AGK: variants seen among roughly 807,000 people sequenced by gnomAD.
AGK encodes the protein acylglycerol kinase, mitochondrial.
Under a neutral mutation model 66.4 loss-of-function variants are expected in AGK, and 52 were observed. The ratio of observed to expected loss-of-function variants is 0.78; its 90% confidence interval spans 0.63 to 0.99. AGK has a LOEUF of 0.99. AGK is among the 50% of genes least tolerant of loss of function. The pLI is 0.00. For synonymous variants in AGK, 182 were observed against 181.1 expected (o/e 1.00, Z -0.04); for missense variants, 451 against 506.6 (o/e 0.89, Z 1.05).
chr7:141,651,494 G>A (rs1347976973), intron 14 of AGK, 31 bp from the exon 15 acceptor site: 3 of 1,607,612 alleles, frequency 1.9e-6, no homozygotes, highest in Non-Finnish European at 8.5e-7. Context: ...GCCATCACTG[G>A]TCTTAAGCTT....
At chr7:141,567,237 T>C (rs1795491753) in intron 2 of AGK, among the ~76,000 whole-genome samples, 1 of 152,204 alleles carries the variant, frequency 6.6e-6, no homozygotes, top group African/African-American at 2.4e-5. Flanking sequence ...AGTCATCATA[T>C]TTTTGTAGCC....
chr7:141,650,747 C>T, intron 14 of AGK: 6 of 902,868 alleles, frequency 6.6e-6, no homozygotes, highest in Non-Finnish European at 8.0e-6. Flanking sequence ...GTTATAAATA[C>T]AGTCATCCCA....
At chr7:141,559,785 C>T (rs1362932899) in intron 2 of AGK, among the ~76,000 whole-genome samples, 2 of 152,042 alleles carry the variant, frequency 1.3e-5, no homozygotes, top group Non-Finnish European at 2.9e-5. Context: ...TTGTTTTTAG[C>T]GTATAAGTCT....
At chr7:141,594,568 C>G (rs1445982037) in intron 3 of AGK, among the ~76,000 whole-genome samples, 1 of 152,112 alleles carries the variant, frequency 6.6e-6, no homozygotes, top group Non-Finnish European at 1.5e-5. Flanking sequence ...GTAAATGCCT[C>G]CACCTCTGTT....
chr7:141,630,303 G>A (rs952753122), intron 9 of AGK, among the ~76,000 whole-genome samples: 5 of 152,026 alleles, frequency 3.3e-5, no homozygotes, highest in African/African-American at 1.2e-4. Context: ...TGGCCAAATA[G>A]TGCAAAGTTG....
At chr7:141,640,619 A>G (rs944287821) in intron 11 of AGK, among the ~76,000 whole-genome samples, 1 of 152,188 alleles carries the variant, frequency 6.6e-6, no homozygotes, top group African/African-American at 2.4e-5. Context: ...GGATGTGGCC[A>G]TGGAAATGGG....
Position 141,641,370 on chromosome 7 carries a change from T to G in AGK, c.849T>G (p.Leu283=), listed in dbSNP as rs1487151515. The G allele has an allele frequency of 6.2e-7, 1 of 1,612,708 alleles. No homozygotes were observed. Among genetic ancestry groups the G allele is most frequent in the Non-Finnish European group, 8.5e-7 (1 of 1,179,594 alleles). ...TGTACAGGAGAATATTACGAAGGCT[T>G]GCGTCCTACTGGGCACAACCACAGG... The part of the protein sequence containing the change: ...PSLYRRILRR[L]ASYWAQPQDA... The change falls in exon 12 of 16, where the codon CTT becomes CTG. Residue 283 remains leucine (L), a synonymous_variant. Coordinates refer to ENST00000649286, the MANE Select transcript of AGK (RefSeq NM_018238.4).
At chr7:141,595,745 A>G (rs1796213018) in intron 3 of AGK, among the ~76,000 whole-genome samples, 1 of 152,154 alleles carries the variant, frequency 6.6e-6, no homozygotes, top group Non-Finnish European at 1.5e-5. Flanking sequence ...TAATAGCAAG[A>G]GTTCCCATTC....
chr7:141,592,583 A>G (rs887933443), intron 2 of AGK, among the ~76,000 whole-genome samples: 1 of 152,156 alleles, frequency 6.6e-6, no homozygotes, highest in African/African-American at 2.4e-5. Flanking sequence ...GGATGTGGAA[A>G]TTTTGGGGGG....
intron 15 of AGK, 149 bp from the exon 16 acceptor site, chr7:141,652,638 A>T: frequency 4.0e-6 from 3 of 753,374 alleles, no homozygotes; most frequent in Non-Finnish European, 6.4e-6. Context: ...GTAGGCACTG[A>T]ATTTTTTTTT....
intron 8 of AGK, chr7:141,615,869 T>C (rs961308344): frequency 1.5e-5 from 4 of 275,454 alleles, no homozygotes; most frequent in Non-Finnish European, 2.7e-5. Flanking sequence ...GATTCTTTAG[T>C]GAAGACATAT....
chr7:141,569,204 G>A (rs1795538411), intron 2 of AGK, among the ~76,000 whole-genome samples: 2 of 152,140 alleles, frequency 1.3e-5, no homozygotes, highest in Admixed American at 6.5e-5. Context: ...TGAGGGGTGT[G>A]TTCAGTGTCA....
At chr7:141,618,526 GTAAA>G (rs1796756316) in intron 8 of AGK, among the ~76,000 whole-genome samples, 1 of 152,126 alleles carries the variant, frequency 6.6e-6, no homozygotes, top group Admixed American at 6.5e-5. Flanking sequence ...GGGACAAACA[GTAAA>G]TAAATAGGTT....
chr7:141,641,184 G>C, intron 11 of AGK, 64 bp from the exon 12 acceptor site: 1 of 1,500,126 alleles, frequency 6.7e-7, no homozygotes, highest in Non-Finnish European at 9.0e-7. Flanking sequence ...AACTTTTGCA[G>C]AGAGAAACTC....
chr7:141,584,817 A>ATT (rs917485492), intron 2 of AGK, among the ~76,000 whole-genome samples: 26 of 152,120 alleles, frequency 1.7e-4, no homozygotes, highest in Admixed American at 1.3e-4. Flanking sequence ...TGTGGCCCTT[A>ATT]TTTTCACTCA....
intron 2 of AGK, among the ~76,000 whole-genome samples, chr7:141,574,377 G>C (rs1014075351): frequency 2.0e-5 from 3 of 152,160 alleles, no homozygotes; most frequent in Non-Finnish European, 4.4e-5. Flanking sequence ...TTTTTCCCCA[G>C]TGCCCACAGA....
chr7:141,622,402 C>T (rs1462993072), intron 9 of AGK, among the ~76,000 whole-genome samples: 1 of 152,170 alleles, frequency 6.6e-6, no homozygotes, highest in Non-Finnish European at 1.5e-5. Flanking sequence ...GGCAACCCTG[C>T]CCCAAGCAAG....
intron 13 of AGK, among the ~76,000 whole-genome samples, chr7:141,646,256 ATGCATG>A (rs1468756823): frequency 2.6e-5 from 4 of 152,178 alleles, no homozygotes; most frequent in African/African-American, 9.7e-5. Flanking sequence ...TGACAGGTGC[ATGCATG>A]TGAGAAACCA....
chr7:141,653,009 T>G lies in AGK; in HGVS notation c.*85T>G. On this transcript the variant is annotated 3_prime_UTR_variant, in exon 16 of 16. Transcript: ENST00000649286. The stretch of plus-strand genomic sequence containing the variant: ...ACAGGTGCCTCAGCCATCCCAACAG[T>G]GTCGTCAGAGGGTCCCCAGGGCATT... 2 of 1,550,838 alleles carry G rather than the reference T, an allele frequency of 1.3e-6. No individual in the cohort carries two copies. The highest frequency in any genetic ancestry group is 1.8e-6 in the Non-Finnish European group (2 of 1,139,922).
Sources: allele counts gnomAD v4.1 joint callset (sites outside exome capture counted in the v4.1 genomes callset), GRCh38; gene constraint gnomAD v4.1.1; transcripts MANE v1.5; gene names NCBI Gene and HGNC (gene_info 2026-07-23, HGNC 2026-07-21).